CDH8: variants seen among roughly 807,000 people sequenced by gnomAD.
CDH8 encodes the protein cadherin-8.
CDH8 carries 17 observed loss-of-function variants against 68.1 expected under a neutral mutation model. The observed-to-expected ratio is 0.25, with a 90% CI of 0.17 to 0.37. The LOEUF (loss-of-function observed/expected upper bound fraction) is 0.37, where lower values mean the gene tolerates loss of function less well. Ranked by LOEUF, CDH8 falls within the 10% of genes least tolerant of loss-of-function variation. The pLI, the probability that CDH8 is intolerant of heterozygous loss-of-function variation, is 1.00. For missense variants in CDH8, 763 were observed against 999.3 expected, an observed-to-expected ratio of 0.76 and a Z score of 3.19; for synonymous variants, 372 against 365.1, an observed-to-expected ratio of 1.02 and a Z score of -0.21.
intron 2 of CDH8, among the ~76,000 whole-genome samples, chr16:61,941,878 A>G (rs1229825098): frequency 1.3e-5 from 2 of 151,902 alleles, no homozygotes; most frequent in Non-Finnish European, 2.9e-5. Context: ...AATTTTCTCT[A>G]TTTACACACT....
At chr16:61,664,070 A>G (rs1233659241) in intron 10 of CDH8, among the ~76,000 whole-genome samples, 1 of 151,784 alleles carries the variant, frequency 6.6e-6, no homozygotes, top group African/African-American at 2.4e-5. Context: ...GCCTTTTCTG[A>G]GTCAAACATC....
intron 6 of CDH8, among the ~76,000 whole-genome samples, chr16:61,819,069 C>A (rs562312653): frequency 6.6e-6 from 1 of 151,814 alleles, no homozygotes; most frequent in Admixed American, 6.6e-5. Context: ...TTGCCAATCA[C>A]CTTTACTGTA....
intron 2 of CDH8, among the ~76,000 whole-genome samples, chr16:61,904,842 T>G (rs1410522117): frequency 6.6e-6 from 1 of 152,262 alleles, no homozygotes; most frequent in East Asian, 1.9e-4. Context: ...CACGTAAGGG[T>G]GTTATACCTT....
At chr16:61,770,182 C>T (rs1272144360) in intron 8 of CDH8, among the ~76,000 whole-genome samples, 1 of 151,820 alleles carries the variant, frequency 6.6e-6, no homozygotes, top group Non-Finnish European at 1.5e-5. Context: ...TTGAATGAAA[C>T]AAGAAATGTA....
chr16:61,740,099 G>A (rs1174599945), intron 8 of CDH8, among the ~76,000 whole-genome samples: 1 of 151,348 alleles, frequency 6.6e-6, no homozygotes, highest in Non-Finnish European at 1.5e-5. Context: ...GTAGAGATGG[G>A]GTTTCATCAT....
intron 2 of CDH8, among the ~76,000 whole-genome samples, chr16:61,991,386 G>A (rs908134455): frequency 6.6e-6 from 1 of 152,172 alleles, no homozygotes. Context: ...AGGAATGTAA[G>A]TGATCGTAAC....
chr16:61,692,473 A>G (rs1265741852), intron 10 of CDH8: 1 of 151,994 alleles, frequency 6.6e-6, no homozygotes, highest in Non-Finnish European at 1.5e-5. Flanking sequence ...TTTTCTACAC[A>G]CATACACACC....
Position 61,647,705 on chromosome 16 carries a change from A to G in CDH8, c.*5903T>C, listed in dbSNP as rs1257169972. The G allele has an allele frequency of 7.5e-6, 5 of 666,418 alleles. No individual in the cohort carries two copies. The highest frequency in any genetic ancestry group is 4.6e-5 in the Admixed American group (2 of 43,366). 41.3% of individuals were successfully genotyped at this position (666,418 alleles called of 1,614,324 possible). A position where few individuals can be genotyped will look rare whatever the true frequency, so the allele number is the denominator to read the frequency against. On this transcript the variant is annotated 3_prime_UTR_variant, in exon 12 of 12. Coordinates refer to ENST00000577390, the MANE Select transcript of CDH8 (RefSeq NM_001796.5). ...ATTTTCCTCTTATTTTTGAGGAATC[A>G]TAGGATGGCCTGAAGTTCTTTGCAT...
chr16:61,735,852 A>C (rs1959663417), intron 8 of CDH8, among the ~76,000 whole-genome samples: 1 of 152,032 alleles, frequency 6.6e-6, no homozygotes, highest in Non-Finnish European at 1.5e-5. Context: ...AGGCGGGGAG[A>C]TCGCTAGGTC....
intron 2 of CDH8, among the ~76,000 whole-genome samples, chr16:61,928,772 T>C (rs1964494032): frequency 6.6e-6 from 1 of 152,230 alleles, no homozygotes; most frequent in Non-Finnish European, 1.5e-5. Flanking sequence ...GTCTACATTG[T>C]ATTCTAAGAG....
intron 3 of CDH8, among the ~76,000 whole-genome samples, chr16:61,859,685 T>C (rs955293607): frequency 6.6e-6 from 1 of 152,280 alleles, no homozygotes; most frequent in Non-Finnish European, 1.5e-5. Context: ...TTTCCCTGTT[T>C]TGATCTTTGT....
In CDH8 at chr16:61,767,498, A is replaced by G. The variant is rs537965675; in HGVS notation, c.1414+21848T>C. On this transcript the variant is annotated intron_variant, in intron 8 of 11. Coordinates refer to ENST00000577390, the MANE Select transcript of CDH8 (RefSeq NM_001796.5). The stretch of plus-strand genomic sequence containing the variant: ...TTTTGAGGCTTCGCTGTAGTAAAGA[A>G]TAAAGAATCAGTGTGCAATGTATAG... Among the ~76,000 whole-genome samples, 10 of 152,068 alleles carry G rather than the reference A, an allele frequency of 6.6e-5. No homozygotes were observed. In the South Asian group the frequency reaches 2.1e-3, roughly 31 times the overall value.
intron 4 of CDH8, among the ~76,000 whole-genome samples, chr16:61,841,771 T>A (rs1343265653): frequency 1.3e-5 from 2 of 152,138 alleles, no homozygotes; most frequent in Non-Finnish European, 2.9e-5. Context: ...AAACACCTCA[T>A]ATACCCAATA....
intron 2 of CDH8, among the ~76,000 whole-genome samples, chr16:61,958,145 A>C (rs1161013408): frequency 6.6e-6 from 1 of 152,188 alleles, no homozygotes; most frequent in Non-Finnish European, 1.5e-5. Context: ...GATGATTAGC[A>C]ATCAAGAAGC....
At chr16:62,000,721 G>T (rs1285358620) in intron 2 of CDH8, among the ~76,000 whole-genome samples, 1 of 152,086 alleles carries the variant, frequency 6.6e-6, no homozygotes, top group African/African-American at 2.4e-5. Flanking sequence ...TTGAATTGAA[G>T]TTTTTCTCAT....
chr16:61,721,858 A>G lies in CDH8; in HGVS notation c.1536+5236T>C, dbSNP rs562391934. Among the ~76,000 whole-genome samples the G allele has an allele frequency of 2.7e-5, 4 of 150,866 alleles. No homozygotes were observed. In the East Asian group the frequency reaches 5.9e-4, roughly 22 times the overall value. ...TCATGGTAAATCTTAAGTAAGACTC[A>G]TAGTCTTTTTCGGTCTCAGCTTTTA... On this transcript the variant is annotated intron_variant, in intron 9 of 11. Transcript: ENST00000577390.
At chr16:61,886,280 A>G (rs1454296836) in intron 3 of CDH8, among the ~76,000 whole-genome samples, 1 of 152,168 alleles carries the variant, frequency 6.6e-6, no homozygotes, top group Admixed American at 6.6e-5. Context: ...GTCTATTTTT[A>G]AGGCCCATAT....
At position 61,727,219 on chromosome 16, in the gene CDH8, T is replaced by C. The variant is rs1467805352; in HGVS notation, c.1415-4A>G. 3.8e-6 allele frequency: 6 copies of C among 1,598,540 alleles called. No individual in the cohort carries two copies. Among genetic ancestry groups the C allele is most frequent in the Non-Finnish European group, 5.1e-6 (6 of 1,170,776 alleles). On this transcript the variant is annotated splice_region_variant and splice_polypyrimidine_tract_variant and intron_variant, in intron 8 of 11. Transcript: ENST00000577390. ...CGTGATATCTGACTGTGGTTCCCTATGGGAAGGAAAAAATAACATCAGCAT... is the reference window on the plus strand; with the variant it reads ...CGTGATATCTGACTGTGGTTCCCTACGGGAAGGAAAAAATAACATCAGCAT...
chr16:61,950,539 T>C (rs1411189263), intron 2 of CDH8, among the ~76,000 whole-genome samples: 1 of 152,226 alleles, frequency 6.6e-6, no homozygotes, highest in Non-Finnish European at 1.5e-5. Flanking sequence ...AGTTACAATA[T>C]AAAGAACTAC....
Sources: gnomAD v4.1 joint callset for allele counts (sites outside exome capture counted in the v4.1 genomes callset) on GRCh38, gnomAD v4.1.1 for gene constraint, MANE v1.5 for transcripts, NCBI Gene and HGNC (gene_info 2026-07-23, HGNC 2026-07-21) for gene names.